The following CCDC7 variants were observed in gnomAD, a reference collection of about 807,000 sequenced individuals.
CCDC7 encodes coiled-coil domain-containing protein 7.
Under a neutral mutation model 196.9 loss-of-function variants are expected in CCDC7, and 183 were observed. The observed-to-expected ratio is 0.93, with a 90% CI of 0.82 to 1.05. The LOEUF is 1.05. CCDC7 is among the 50% of genes least tolerant of loss of function. CCDC7 has a pLI of 0.00. For synonymous variants in CCDC7, 525 were observed against 484.6 expected, an observed-to-expected ratio of 1.08 and a Z score of -1.10; for missense variants, 1,540 against 1,482.2, an observed-to-expected ratio of 1.04 and a Z score of -0.64.
intron 24 of CCDC7, among the ~76,000 whole-genome samples, chr10:32,698,433 G>A (rs904235642): frequency 6.6e-6 from 1 of 152,138 alleles, no homozygotes; most frequent in East Asian, 1.9e-4. Context: ...CGAACCCATT[G>A]CAAGGAAGCT....
At position 32,723,311 on chromosome 10, in the gene CCDC7, T is replaced by C. The variant is rs572311595; in HGVS notation, c.2570-3423T>C. ...TGTGCAGCAGCTACTTTTTCAATTC[T>C]GATACCGATTTGTCATCAGTTAATA... On this transcript the variant is annotated intron_variant, in intron 25 of 41. Coordinates refer to ENST00000639629, the Ensembl canonical transcript of CCDC7. Among the ~76,000 whole-genome samples the C allele has an allele frequency of 3.3e-5, 5 of 152,284 alleles. No homozygotes were observed. In the South Asian group the frequency reaches 1.0e-3, roughly 32 times the overall value.
intron 23 of CCDC7, among the ~76,000 whole-genome samples, chr10:32,692,219 A>T (rs953727658): frequency 6.6e-6 from 1 of 152,194 alleles, no homozygotes; most frequent in African/African-American, 2.4e-5. Flanking sequence ...GGTACAACTC[A>T]GTGTGCAGAG....
At chr10:32,500,911 C>T (rs187239643) in intron 9 of CCDC7, among the ~76,000 whole-genome samples, 172 of 152,270 alleles carry the variant, frequency 1.1e-3, no homozygotes, top group Admixed American at 1.7e-3. Flanking sequence ...TCAGGCGTGG[C>T]GGCGCGTGCC....
intron 28 of CCDC7, among the ~76,000 whole-genome samples, chr10:32,751,645 G>A (rs2075675069): frequency 6.6e-6 from 1 of 152,154 alleles, no homozygotes; most frequent in Admixed American, 6.6e-5. Context: ...AATCAAGACT[G>A]TAGCCTCTCA....
intron 30 of CCDC7, among the ~76,000 whole-genome samples, chr10:32,806,634 A>C (rs528078059): frequency 6.6e-6 from 1 of 152,324 alleles, no homozygotes; most frequent in South Asian, 2.1e-4. Context: ...GTTCAAGTAC[A>C]TTTGAACTGT....
intron 18 of CCDC7, among the ~76,000 whole-genome samples, chr10:32,611,108 C>A (rs1046976801): frequency 1.3e-5 from 2 of 152,148 alleles, no homozygotes; most frequent in African/African-American, 4.8e-5. Context: ...TTTTAATGAT[C>A]ACCATTCTAA....
At chr10:32,516,862 A>C (rs925990281) in intron 9 of CCDC7, among the ~76,000 whole-genome samples, 1 of 152,254 alleles carries the variant, frequency 6.6e-6, no homozygotes, top group South Asian at 2.1e-4. Flanking sequence ...AAACTTGTAC[A>C]TAAATGTTCA....
intron 28 of CCDC7, 118 bp from the exon 30 acceptor site, chr10:32,778,859 T>C (rs1199900130): frequency 1.5e-6 from 1 of 678,144 alleles, no homozygotes; most frequent in African/African-American, 1.8e-5. Flanking sequence ...TCTTTTGCAG[T>C]GTTTTTGCAG....
At chr10:32,764,164 A>C (rs778445171) in intron 28 of CCDC7, among the ~76,000 whole-genome samples, 17 of 151,736 alleles carry the variant, frequency 1.1e-4, no homozygotes, top group Non-Finnish European at 1.5e-4. Context: ...CTCCCTTGAG[A>C]TAGTTACCTT....
rs535525703 is a variant in CCDC7, at chr10:32,799,024, G to A, written c.3014-5991G>A. 1.4e-3 allele frequency among the ~76,000 whole-genome samples: 218 copies of A among 152,270 alleles called. 1 individual carries two copies. Among genetic ancestry groups the A allele is most frequent in the African/African-American group, 5.0e-3 (207 of 41,560 alleles). On this transcript the variant is annotated intron_variant, in intron 29 of 41. Transcript: ENST00000639629. ...ATGTAACTTACTTGTGCCTTTAGGAGCTGCTCGAGCCCGATCATGTATATA... is the reference window on the plus strand; with the variant it reads ...ATGTAACTTACTTGTGCCTTTAGGAACTGCTCGAGCCCGATCATGTATATA...
chr10:32,556,067 A>G (rs2136441887), intron 13 of CCDC7, among the ~76,000 whole-genome samples: 1 of 152,304 alleles, frequency 6.6e-6, no homozygotes. Context: ...TGGCCCCAAC[A>G]AGAATTAGGC....
chr10:32,818,052 A>G (rs143315689), intron 31 of CCDC7, among the ~76,000 whole-genome samples: 52 of 152,336 alleles, frequency 3.4e-4, no homozygotes, highest in Non-Finnish European at 7.1e-4. Context: ...CAAATTGGAT[A>G]AAGAGTCAAG....
intron 28 of CCDC7, among the ~76,000 whole-genome samples, chr10:32,769,544 C>T (rs763720947): frequency 1.1e-4 from 17 of 152,146 alleles, no homozygotes; most frequent in Non-Finnish European, 2.5e-4. Context: ...AGTTTTGTTA[C>T]GTAGGTATAC....
intron 29 of CCDC7, among the ~76,000 whole-genome samples, chr10:32,779,972 G>A (rs1435461885): frequency 6.6e-6 from 1 of 152,192 alleles, no homozygotes; most frequent in Non-Finnish European, 1.5e-5. Flanking sequence ...GGGCGCAGTG[G>A]CTCACGCCTG....
intron 32 of CCDC7, among the ~76,000 whole-genome samples, chr10:32,826,849 A>G (rs2091200166): frequency 6.6e-6 from 1 of 152,122 alleles, no homozygotes; most frequent in Non-Finnish European, 1.5e-5. Context: ...CTGGTTGTGC[A>G]CTCTTCATGG....
Position 32,451,740 on chromosome 10 carries a change from C to G in CCDC7, c.98C>G (p.Pro33Arg), listed in dbSNP as rs764479390. Residue 33 changes from proline to arginine, a missense_variant, in exon 1 of 42, where the codon CCT becomes CGT. Pro to Arg is a moderately radical substitution (Grantham distance 103). Transcript: ENST00000639629. ...GGACTACATAATTTACCATTATCAC[C>G]TGAGCTAAAGGAAAAACATAATGCA... is the stretch of plus-strand genomic sequence containing the variant. The G allele has an allele frequency of 1.5e-5, 24 of 1,614,016 alleles. No individual in the cohort carries two copies. The Admixed American group carries it at 3.3e-4, about 22-fold the overall frequency.
At chr10:32,508,896 G>C (rs1419391016) in intron 9 of CCDC7, among the ~76,000 whole-genome samples, 2 of 148,966 alleles carry the variant, frequency 1.3e-5, no homozygotes, top group Non-Finnish European at 3.0e-5. Context: ...GCCTCCCAAA[G>C]TGCTAGGATT....
chr10:32,766,242 C>T (rs912227367), intron 28 of CCDC7, among the ~76,000 whole-genome samples: 2 of 152,054 alleles, frequency 1.3e-5, no homozygotes, highest in African/African-American at 4.8e-5. Flanking sequence ...CATCTGGCCT[C>T]TCCTACTACC....
chr10:32,563,745 G>A (rs952447799), intron 13 of CCDC7, among the ~76,000 whole-genome samples: 1 of 152,134 alleles, frequency 6.6e-6, no homozygotes, highest in Non-Finnish European at 1.5e-5. Flanking sequence ...CATGGGCACG[G>A]ACTTCATGTA....
Sources: allele counts gnomAD v4.1 joint callset (sites outside exome capture counted in the v4.1 genomes callset), GRCh38; gene constraint gnomAD v4.1.1; transcripts MANE v1.5; gene names NCBI Gene and HGNC (gene_info 2026-07-23, HGNC 2026-07-21).